JAK1: variants seen among roughly 807,000 people sequenced by gnomAD.
JAK1 encodes the protein tyrosine-protein kinase JAK1.
JAK1 carries 16 observed loss-of-function variants against 136.6 expected under a neutral mutation model. That is an observed-to-expected ratio of 0.12 (90% CI 0.08 to 0.18). The LOEUF is 0.18. Ranked by LOEUF, JAK1 falls within the 10% of genes least tolerant of loss-of-function variation. JAK1 has a pLI of 1.00. For synonymous variants in JAK1, 492 were observed against 519.5 expected (o/e 0.95, Z 0.72); for missense variants, 859 against 1,450.1 (o/e 0.59, Z 6.62).
chr1:64,885,752 C>CAAAA lies in JAK1; in HGVS notation c.6+503_6+506dup, dbSNP rs1223124394. On this transcript the variant is annotated intron_variant, in intron 2 of 24. Coordinates refer to ENST00000342505, the MANE Select transcript of JAK1 (RefSeq NM_002227.4). Reference sequence around the variant, plus strand: ...CTGGTGACAGAGCAAGAGTCCGACTCAAAAAAAAAAAAGAAATAAGAAAAA... The same window carrying CAAAA: ...CTGGTGACAGAGCAAGAGTCCGACTCAAAAAAAAAAAAAAAAGAAATAAGAAAAA... Among the ~76,000 whole-genome samples, 4 of 126,268 alleles carry CAAAA rather than the reference C, an allele frequency of 3.2e-5. No homozygotes were observed. In the Admixed American group the frequency reaches 3.2e-4, roughly 10 times the overall value. The allele number at this position is 126,268 out of a possible 152,430, so 82.8% of individuals were successfully genotyped here.
chr1:64,933,119 T>C (rs1347847502), intron 1 of JAK1, among the ~76,000 whole-genome samples: 2 of 151,922 alleles, frequency 1.3e-5, no homozygotes, highest in Non-Finnish European at 2.9e-5. Flanking sequence ...AAATGTTTTA[T>C]ATTCATTGAA....
At position 64,839,610 on chromosome 1, in the gene JAK1, T is replaced by A; in HGVS notation, c.2835A>T (p.Thr945=). 1 of 1,613,854 alleles carries A rather than the reference T, an allele frequency of 6.2e-7. No individual in the cohort carries two copies. Among genetic ancestry groups the A allele is most frequent in the Non-Finnish European group, 8.5e-7 (1 of 1,179,806 alleles). The change falls in exon 20 of 25, where the codon ACA becomes ACT. Residue 945 remains threonine (T), a synonymous_variant. Coordinates refer to ENST00000342505, the MANE Select transcript of JAK1 (RefSeq NM_002227.4). Reference sequence around the variant, plus strand: ...CAGCCTTGCATAACATACCGTCTTCTGTGCAGATTCCTTTGTACTTCACAA... The same window carrying A: ...CAGCCTTGCATAACATACCGTCTTCAGTGCAGATTCCTTTGTACTTCACAA... ...ENIVKYKGIC[T]EDGGNGIKLI... is the part of the protein sequence containing the mutation.
At chr1:64,839,910 T>C (rs1245973664) in intron 19 of JAK1, 115 bp from the exon 20 acceptor site, 3 of 828,536 alleles carry the variant, frequency 3.6e-6, no homozygotes, top group Non-Finnish European at 5.5e-6. Flanking sequence ...TCTCGCTGTC[T>C]GGCCTTGCAG....
At chr1:64,917,970 G>T (rs1645428224) in intron 1 of JAK1, among the ~76,000 whole-genome samples, 1 of 152,152 alleles carries the variant, frequency 6.6e-6, no homozygotes, top group Non-Finnish European at 1.5e-5. Context: ...AGACACAGGG[G>T]TAATGAATTC....
intron 2 of JAK1, among the ~76,000 whole-genome samples, chr1:64,986,771 G>A (rs1051149804): frequency 1.3e-5 from 2 of 151,920 alleles, no homozygotes; most frequent in Admixed American, 6.6e-5. Flanking sequence ...AGCTACTTGG[G>A]AGGCTGAGGT....
intron 1 of JAK1, among the ~76,000 whole-genome samples, chr1:64,927,963 C>G (rs1197982085): frequency 6.6e-6 from 1 of 152,222 alleles, no homozygotes; most frequent in Admixed American, 6.5e-5. Flanking sequence ...AGGGCTACCC[C>G]ACTCAGACAA....
upstream of JAK1, among the ~76,000 whole-genome samples, chr1:64,971,158 G>A (rs1646448691): frequency 6.6e-6 from 1 of 152,194 alleles, no homozygotes; most frequent in Non-Finnish European, 1.5e-5. Flanking sequence ...AAAATTGACT[G>A]TAATCTTGCA....
chr1:64,928,095 T>C lies in JAK1; in HGVS notation c.-78+38238A>G, dbSNP rs186200931. Among the ~76,000 whole-genome samples, 730 of 152,316 alleles carry C rather than the reference T, an allele frequency of 4.8e-3. 3 individuals are homozygous for C. Among genetic ancestry groups the C allele is most frequent in the Non-Finnish European group, 6.5e-3 (439 of 68,028 alleles). ...GGGAGTTTAATGGCACAAAAGGCAC[T>C]GACTATTCAAAACACAATGCCCCTC... On this transcript the variant is annotated intron_variant, in intron 1 of 24. Transcript: ENST00000342505.
At chr1:64,898,366 G>C (rs185907488) in intron 1 of JAK1, among the ~76,000 whole-genome samples, 2 of 152,332 alleles carry the variant, frequency 1.3e-5, no homozygotes, top group African/African-American at 2.4e-5. Flanking sequence ...TACAGAGTCA[G>C]AAACCAGAGG....
In JAK1 at chr1:64,834,279, G is replaced by C. The variant is rs1654328124; in HGVS notation, c.*283C>G. On this transcript the variant is annotated 3_prime_UTR_variant, in exon 25 of 25. Coordinates refer to ENST00000342505, the MANE Select transcript of JAK1 (RefSeq NM_002227.4). ...GATGGTGAACTAGCCAGATGAAATG[G>C]TGGTATATTCTTTCCACAAGGAGGA... 1 of 268,846 alleles carries C rather than the reference G, an allele frequency of 3.7e-6. No homozygotes were observed. The highest frequency in any genetic ancestry group is 1.1e-3 in the Middle Eastern group (1 of 912). The allele number at this position is 268,846 out of a possible 1,614,324, so 16.7% of individuals were successfully genotyped here. A position where few individuals can be genotyped will look rare whatever the true frequency, so the allele number is the denominator to read the frequency against.
At position 64,855,663 on chromosome 1, in the gene JAK1, A is replaced by G. The variant is rs1269153861; in HGVS notation, c.1494T>C (p.Phe498=). The stretch of plus-strand genomic sequence containing the variant: ...AGCGGCCCTTCTGCACCTCGATCTG[A>G]AAGTTCTTGAACTGCTTCTGGGCAC... ...VQGAQKQFKN[F]QIEVQKGRYS... Residue 498 remains phenylalanine (F), a synonymous_variant, in exon 11 of 25, where the codon TTT becomes TTC. Coordinates refer to ENST00000342505, the MANE Select transcript of JAK1 (RefSeq NM_002227.4). The G allele has an allele frequency of 1.9e-6, 3 of 1,614,014 alleles. No homozygotes were observed. Among genetic ancestry groups the G allele is most frequent in the Non-Finnish European group, 2.5e-6 (3 of 1,179,948 alleles).
chr1:64,925,008 G>C (rs1468028428), intron 1 of JAK1, among the ~76,000 whole-genome samples: 1 of 152,186 alleles, frequency 6.6e-6, no homozygotes, highest in Non-Finnish European at 1.5e-5. Context: ...AATGATGTCA[G>C]TGTAGGTTCA....
intron 23 of JAK1, 81 bp downstream of exon 23, chr1:64,836,015 TAA>T: frequency 1.3e-6 from 1 of 775,564 alleles, no homozygotes; most frequent in Non-Finnish European, 2.2e-6. Flanking sequence ...GGATTCCATT[TAA>T]AAACAAAAGT....
intron 1 of JAK1, among the ~76,000 whole-genome samples, chr1:64,920,844 A>G (rs777527200): frequency 3.9e-5 from 6 of 152,146 alleles, no homozygotes; most frequent in Non-Finnish European, 8.8e-5. Flanking sequence ...TGATTCACTG[A>G]CTGAGTTAAG....
intron 1 of JAK1, among the ~76,000 whole-genome samples, chr1:64,902,423 AC>A (rs1338548275): frequency 3.9e-5 from 6 of 151,988 alleles, no homozygotes; most frequent in African/African-American, 1.5e-4. Context: ...AAATGTTTCA[AC>A]CCTTCACTCA....
chr1:64,901,029 C>T (rs1414622072), intron 1 of JAK1, among the ~76,000 whole-genome samples: 1 of 152,172 alleles, frequency 6.6e-6, no homozygotes, highest in Admixed American at 6.5e-5. Context: ...TTTGGAGTAG[C>T]ACTTACATCC....
intron 2 of JAK1, among the ~76,000 whole-genome samples, chr1:64,981,970 A>G (rs969993913): frequency 2.0e-5 from 3 of 152,200 alleles, no homozygotes; most frequent in Admixed American, 6.5e-5. Flanking sequence ...CTGGAGATGT[A>G]AAAAGAAAGT....
chr1:64,935,634 C>A (rs759019962), intron 1 of JAK1, among the ~76,000 whole-genome samples: 1 of 152,216 alleles, frequency 6.6e-6, no homozygotes, highest in South Asian at 2.1e-4. Flanking sequence ...CTCCAACAAC[C>A]TGTCCTCTTT....
chr1:65,057,660 G>A (rs11583739), intron 1 of JAK1: 6,065 of 154,762 alleles, frequency 0.039, 160 homozygotes, highest in Non-Finnish European at 0.058. Flanking sequence ...CTGCACTCCC[G>A]TGTGGGCAAC....
Sources: gnomAD v4.1 joint callset for allele counts (sites outside exome capture counted in the v4.1 genomes callset) on GRCh38, gnomAD v4.1.1 for gene constraint, MANE v1.5 for transcripts, NCBI Gene and HGNC (gene_info 2026-07-23, HGNC 2026-07-21) for gene names.